Variants in CHAT observed in about 807,000 individuals in gnomAD.
CHAT encodes the protein choline O-acetyltransferase.
A neutral mutation model predicts 76.9 loss-of-function variants in CHAT; 61 were observed. The ratio of observed to expected loss-of-function variants is 0.79; its 90% CI spans 0.65 to 0.98. The LOEUF is 0.98. Ranked by LOEUF, CHAT falls within the 50% of genes least tolerant of loss-of-function variation. The pLI, the probability that CHAT is intolerant of heterozygous loss-of-function variation, is 0.00. For missense variants in CHAT, 946 were observed against 986.9 expected (o/e 0.96, Z 0.56); for synonymous variants, 407 against 397.4 (o/e 1.02, Z -0.29).
chr10:49,651,812 G>A, intron 10 of CHAT, 72 bp from the exon 11 acceptor site: 3 of 1,510,262 alleles, frequency 2.0e-6, no homozygotes, highest in Non-Finnish European at 2.7e-6. Flanking sequence ...GGCTCTAGAA[G>A]CCCGGGGAAA....
At chr10:49,629,115 T>C (rs1215128027) in intron 7 of CHAT, among the ~76,000 whole-genome samples, 1 of 152,218 alleles carries the variant, frequency 6.6e-6, no homozygotes, top group Non-Finnish European at 1.5e-5. Context: ...AACTTTGCAT[T>C]TGTTTGATAA....
At chr10:49,630,458 G>A (rs1266711434) in intron 7 of CHAT, among the ~76,000 whole-genome samples, 1 of 152,172 alleles carries the variant, frequency 6.6e-6, no homozygotes, top group Admixed American at 6.5e-5. Flanking sequence ...GGGTCAGACT[G>A]GAGTAGCAGG....
chr10:49,645,644 C>T (rs1325626039), intron 7 of CHAT, among the ~76,000 whole-genome samples: 1 of 152,168 alleles, frequency 6.6e-6, no homozygotes, highest in Non-Finnish European at 1.5e-5. Flanking sequence ...TTCTGGTGCT[C>T]TCTGGGAGGA....
chr10:49,619,227 C>G (rs1003584084), intron 2 of CHAT, among the ~76,000 whole-genome samples: 4 of 152,224 alleles, frequency 2.6e-5, no homozygotes, highest in Non-Finnish European at 5.9e-5. Context: ...TCTGGAGCCC[C>G]AGCTGGGAAC....
intron 7 of CHAT, among the ~76,000 whole-genome samples, chr10:49,628,970 T>A (rs999408137): frequency 6.6e-6 from 1 of 152,276 alleles, no homozygotes; most frequent in Admixed American, 6.5e-5. Flanking sequence ...TTCCCCCAGA[T>A]CCAGCTGGCT....
At chr10:49,642,633 A>G (rs1839522761) in intron 7 of CHAT, among the ~76,000 whole-genome samples, 1 of 152,246 alleles carries the variant, frequency 6.6e-6, no homozygotes, top group African/African-American at 2.4e-5. Flanking sequence ...GCCTGCATCA[A>G]GGCCTGCTCT....
chr10:49,641,910 G>C (rs1396745476), intron 7 of CHAT, among the ~76,000 whole-genome samples: 1 of 152,200 alleles, frequency 6.6e-6, no homozygotes, highest in African/African-American at 2.4e-5. Flanking sequence ...TTGCAGCCCT[G>C]CACAGAGAGA....
chr10:49,617,956 C>A (rs775229073), intron 2 of CHAT, among the ~76,000 whole-genome samples: 7 of 152,174 alleles, frequency 4.6e-5, no homozygotes, highest in Non-Finnish European at 1.0e-4. Flanking sequence ...CGTCATTCAT[C>A]CATCAGCAGC....
At chr10:49,647,528 C>G (rs1590607812) in intron 8 of CHAT, among the ~76,000 whole-genome samples, 1 of 152,240 alleles carries the variant, frequency 6.6e-6, no homozygotes, top group Admixed American at 6.5e-5. Context: ...TCCTTTCTCT[C>G]TGTCCCTACA....
intron 2 of CHAT, among the ~76,000 whole-genome samples, chr10:49,617,696 C>T (rs535851676): frequency 1.3e-5 from 2 of 152,276 alleles, no homozygotes; most frequent in Non-Finnish European, 2.9e-5. Context: ...ACTAACTGGG[C>T]TGGGCTTTCT....
rs1198596782 is a variant in CHAT at position 49,644,225 on chromosome 10, G to T, written c.1112-2280G>T. ...CTGGGCACAGCCTGCGTGATGATGA[G>T]GAGATGGGATGTCCACAGGATCAGG... On this transcript the variant is annotated intron_variant, in intron 7 of 14. Transcript: ENST00000337653. Among the ~76,000 whole-genome samples, 3 of 152,214 alleles carry T rather than the reference G, an allele frequency of 2.0e-5. No homozygotes were observed. In the East Asian group the frequency reaches 5.8e-4, roughly 29 times the overall value.
intron 1 of CHAT, among the ~76,000 whole-genome samples, chr10:49,615,382 A>T (rs1838452259): frequency 6.6e-6 from 1 of 152,176 alleles, no homozygotes; most frequent in Non-Finnish European, 1.5e-5. Context: ...GTGTCCCTGC[A>T]CTGTGCCAGC....
Position 49,657,518 on chromosome 10 carries a change from C to G in CHAT, c.1839+2070C>G, listed in dbSNP as rs543672682. On this transcript the variant is annotated intron_variant, in intron 13 of 14. Transcript: ENST00000337653. Reference sequence around the variant, plus strand: ...CCCAGGCAGCCAGGCTACTAGCCCCCCTCCCCAGTGGTGGGCTAGAAGTTC... The same window carrying G: ...CCCAGGCAGCCAGGCTACTAGCCCCGCTCCCCAGTGGTGGGCTAGAAGTTC... Among the ~76,000 whole-genome samples, 16 of 152,124 alleles carry G rather than the reference C, an allele frequency of 1.1e-4. No homozygotes were observed. The East Asian group carries it at 1.4e-3, about 13-fold the overall frequency.
In CHAT at chr10:49,625,540, T is replaced by G. The variant is rs746310436; in HGVS notation, c.820T>G (p.Tyr274Asp). 2 of 1,613,806 alleles carry G rather than the reference T, an allele frequency of 1.2e-6. No individual in the cohort carries two copies. The highest frequency in any genetic ancestry group is 1.7e-6 in the Non-Finnish European group (2 of 1,179,988). Reference protein sequence around the residue: ...SGQPLCMKQYYGLFSSYRLPG... With the variant: ...SGQPLCMKQYDGLFSSYRLPG... ...GCAGCCCCTTTGCATGAAGCAATACTATGGGCTCTTCTCCTCCTACCGGCT... is the reference window on the plus strand; with the variant it reads ...GCAGCCCCTTTGCATGAAGCAATACGATGGGCTCTTCTCCTCCTACCGGCT... Residue 274 changes from tyrosine to aspartate, a missense_variant, in exon 6 of 15, where the codon TAT becomes GAT. Tyr to Asp is a radical substitution (Grantham distance 160). This residue lies in a region of CHAT where 548 missense variants were observed against 516.2 expected (regional missense o/e 1.06). Coordinates refer to ENST00000337653, the MANE Select transcript of CHAT (RefSeq NM_020549.5).
chr10:49,622,219 C>T, intron 5 of CHAT, 69 bp downstream of exon 5: 4 of 1,521,430 alleles, frequency 2.6e-6, no homozygotes, highest in Non-Finnish European at 3.6e-6. Context: ...TTGCAGGGAC[C>T]TTGTCTTTTT....
At chr10:49,614,614 G>A in intron 1 of CHAT, 139 bp downstream of exon 1, 1 of 762,438 alleles carries the variant, frequency 1.3e-6, no homozygotes, top group Non-Finnish European at 2.1e-6. Context: ...CGCAGCAGCG[G>A]CCGTCGGGGG....
chr10:49,643,105 T>C (rs1354746441), intron 7 of CHAT, among the ~76,000 whole-genome samples: 1 of 152,246 alleles, frequency 6.6e-6, no homozygotes, highest in African/African-American at 2.4e-5. Context: ...AAGGTCAAGA[T>C]ATTTGGTTTC....
intron 13 of CHAT, among the ~76,000 whole-genome samples, chr10:49,656,388 G>A (rs1840037990): frequency 6.6e-6 from 1 of 150,984 alleles, no homozygotes; most frequent in Admixed American, 6.6e-5. Context: ...TGTCCTTAGG[G>A]AGGTTACCAT....
rs905796437 is a variant in CHAT, at chr10:49,616,586, C to G, written c.371C>G (p.Pro124Arg). The G allele has an allele frequency of 6.2e-7, 1 of 1,610,400 alleles. No individual in the cohort carries two copies. Among genetic ancestry groups the G allele is most frequent in the Admixed American group, 1.7e-5 (1 of 59,860 alleles). Reference sequence around the variant, plus strand: ...CCCCGTAAGATGGCAGCAAAAACTCCCAGCAGTGAGGAGTCTGTGAGTGAC... The same window carrying G: ...CCCCGTAAGATGGCAGCAAAAACTCGCAGCAGTGAGGAGTCTGTGAGTGAC... Reference protein sequence around the residue: ...KVPRKMAAKTPSSEESGLPKL... With the variant: ...KVPRKMAAKTRSSEESGLPKL... The change falls in exon 2 of 15, where the codon CCC becomes CGC. Residue 124 changes from proline to arginine, a missense_variant. Pro to Arg is a moderately radical substitution (Grantham distance 103, BLOSUM62 -2). This residue lies in a region of CHAT where 548 missense variants were observed against 516.2 expected (regional missense o/e 1.06). Transcript: ENST00000337653.
Sources: gnomAD v4.1 joint callset for allele counts (sites outside exome capture counted in the v4.1 genomes callset) on GRCh38, gnomAD v4.1.1 for gene constraint, gnomAD v4.1.1 regional missense constraint, MANE v1.5 for transcripts, NCBI Gene and HGNC (gene_info 2026-07-23, HGNC 2026-07-21) for gene names.